Variants in DHX40 observed in about 807,000 individuals in gnomAD.
DHX40 encodes the protein DEAH-box helicase 40, also known as probable ATP-dependent RNA helicase DHX40.
In DHX40, 28 loss-of-function variants were observed where a neutral mutation model predicts 89.6. That is an observed-to-expected ratio of 0.31 (90% CI 0.23 to 0.43). The LOEUF is 0.43. DHX40 is among the 20% of genes least tolerant of loss of function. The pLI, the probability that DHX40 is intolerant of heterozygous loss-of-function variation, is 1.00. For missense variants in DHX40, 457 were observed against 844.0 expected (o/e 0.54, Z 5.68); for synonymous variants, 226 against 283.6 (o/e 0.80, Z 2.04).
chr17:59,589,353 C>G (rs2049048395), intron 12 of DHX40, among the ~76,000 whole-genome samples: 1 of 150,314 alleles, frequency 6.7e-6, no homozygotes, highest in Admixed American at 6.7e-5. Context: ...TCCCGAGTAG[C>G]TGGGACTACA....
intron 10 of DHX40, among the ~76,000 whole-genome samples, chr17:59,585,691 C>T (rs530843788): frequency 1.3e-5 from 2 of 150,724 alleles, no homozygotes; most frequent in Non-Finnish European, 2.9e-5. Flanking sequence ...CCATTGCACT[C>T]CAGCCTGGGC....
At position 59,605,185 on chromosome 17, in the gene DHX40, G is replaced by T; in HGVS notation, c.1971+1G>T. 1 of 1,613,802 alleles carries T rather than the reference G, an allele frequency of 6.2e-7. No homozygotes were observed. The highest frequency in any genetic ancestry group is 1.7e-5 in the Admixed American group (1 of 60,012). ...AGTTCACATTCATCCTTCCTCAGCA[G>T]TAAGTACTTCATTTTTAATAAAGGG... On this transcript the variant is annotated splice_donor_variant, in intron 16 of 17. Coordinates refer to ENST00000251241, the MANE Select transcript of DHX40 (RefSeq NM_024612.5). LOFTEE classifies it high-confidence loss of function.
At position 59,608,022 on chromosome 17, in the gene DHX40, G is replaced by A. The variant is rs2030964284; in HGVS notation, c.*850G>A. ...TACTCTGTTATTTCCACCTGTTTGG[G>A]TAGGGCCATTTAACTTCCATTATGC... On this transcript the variant is annotated 3_prime_UTR_variant, in exon 18 of 18. Transcript: ENST00000251241. 6.5e-6 allele frequency: 1 copy of A among 154,618 alleles called. No individual in the cohort carries two copies. The highest frequency in any genetic ancestry group is 2.0e-4 in the South Asian group (1 of 4,920). 9.6% of individuals were successfully genotyped at this position (154,618 alleles called of 1,614,324 possible). A position where few individuals can be genotyped will look rare whatever the true frequency, so the allele number is the denominator to read the frequency against.
intron 14 of DHX40, 25 bp from the exon 15 acceptor site, chr17:59,602,497 C>T (rs768821073): frequency 1.3e-6 from 2 of 1,544,284 alleles, no homozygotes; most frequent in African/African-American, 1.4e-5. Flanking sequence ...TGAGATTTAC[C>T]ACTCTCTACA....
rs561267181 is a variant in DHX40, at chr17:59,587,646, C to T, written c.1425-250C>T. On this transcript the variant is annotated intron_variant, in intron 11 of 17. Coordinates refer to ENST00000251241, the MANE Select transcript of DHX40 (RefSeq NM_024612.5). ...CTAATTTTTGTGTTTTTAGTGGAAA[C>T]GGGGTTTTGCCATGTTGGCCAGGCA... Among the ~76,000 whole-genome samples the T allele has an allele frequency of 8.6e-5, 13 of 151,916 alleles. No individual in the cohort carries two copies. The South Asian group carries it at 1.9e-3, about 22-fold the overall frequency.
At chr17:59,600,001 T>G (rs1053063064) in intron 14 of DHX40, among the ~76,000 whole-genome samples, 4 of 151,904 alleles carry the variant, frequency 2.6e-5, no homozygotes, top group African/African-American at 9.7e-5. Context: ...TTTTTGTAGT[T>G]TTAGTAGAGA....
At chr17:59,574,640 G>T (rs2048855966) in intron 6 of DHX40, among the ~76,000 whole-genome samples, 1 of 149,040 alleles carries the variant, frequency 6.7e-6, no homozygotes, top group South Asian at 2.1e-4. Flanking sequence ...TTAATAGAAA[G>T]AAATTAAATA....
chr17:59,600,214 A>G (rs1446338521), intron 14 of DHX40, among the ~76,000 whole-genome samples: 3 of 152,218 alleles, frequency 2.0e-5, no homozygotes, highest in Non-Finnish European at 4.4e-5. Context: ...GTCATGATAC[A>G]GTAAGTCCTC....
At chr17:59,570,858 A>G (rs778846018) in intron 3 of DHX40, among the ~76,000 whole-genome samples, 195 bp downstream of exon 3, 1 of 152,040 alleles carries the variant, frequency 6.6e-6, no homozygotes, top group Non-Finnish European at 1.5e-5. Flanking sequence ...AATGTTATAA[A>G]CTTAACAGAA....
intron 2 of DHX40, among the ~76,000 whole-genome samples, chr17:59,570,195 T>G (rs1598136423): frequency 1.7e-5 from 2 of 118,106 alleles, no homozygotes; most frequent in Non-Finnish European, 3.2e-5. Context: ...TAATATATAA[T>G]ATATTATAAT....
chr17:59,569,184 T>A (rs562912194), intron 2 of DHX40, among the ~76,000 whole-genome samples: 6 of 152,012 alleles, frequency 3.9e-5, no homozygotes, highest in Non-Finnish European at 5.9e-5. Context: ...CAAAATTAGC[T>A]GGGTGTGGTG....
intron 12 of DHX40, among the ~76,000 whole-genome samples, chr17:59,598,058 G>T (rs1199503423): frequency 1.3e-5 from 2 of 151,936 alleles, no homozygotes; most frequent in East Asian, 3.9e-4. Context: ...GTAGAGACAG[G>T]ATCTTGCTTT....
chr17:59,571,186 G>C (rs568628796), intron 3 of DHX40, among the ~76,000 whole-genome samples: 6 of 152,168 alleles, frequency 3.9e-5, no homozygotes, highest in African/African-American at 1.4e-4. Context: ...GGCTGGGCTC[G>C]ATGGCTCACG....
At chr17:59,588,167 G>A (rs2049025968) in intron 12 of DHX40, 114 bp downstream of exon 12, 36 of 1,422,220 alleles carry the variant, frequency 2.5e-5, no homozygotes, top group Non-Finnish European at 3.4e-5. Flanking sequence ...GATTGCTTGA[G>A]GTCAGAAGTT....
chr17:59,586,616 A>G (rs1357422125), intron 11 of DHX40, among the ~76,000 whole-genome samples: 1 of 151,882 alleles, frequency 6.6e-6, no homozygotes, highest in African/African-American at 2.4e-5. Flanking sequence ...CAGTGAGCCA[A>G]GATCATGCCA....
At chr17:59,567,503 C>T (rs758560869) in intron 2 of DHX40, among the ~76,000 whole-genome samples, 5 of 152,178 alleles carry the variant, frequency 3.3e-5, no homozygotes, top group Non-Finnish European at 5.9e-5. Context: ...TTTTTGTTTT[C>T]TGTTTCTGCT....
chr17:59,570,100 ATATT>A (rs1336211598), intron 2 of DHX40, among the ~76,000 whole-genome samples: 1 of 128,232 alleles, frequency 7.8e-6, no homozygotes, highest in Non-Finnish European at 1.6e-5. Flanking sequence ...TATATAGTAT[ATATT>A]ATAATATATT....
At chr17:59,593,674 C>T (rs2049110948) in intron 12 of DHX40, among the ~76,000 whole-genome samples, 1 of 113,558 alleles carries the variant, frequency 8.8e-6, no homozygotes. Flanking sequence ...CGAGGTTTTG[C>T]CATGTTGGAG....
In DHX40 at chr17:59,605,249, A is replaced by G. The variant is rs376486926; in HGVS notation, c.1971+65A>G. 1.7e-4 allele frequency: 261 copies of G among 1,492,320 alleles called. 1 individual carries two copies. The African/African-American group carries it at 2.3e-3, about 13-fold the overall frequency. 92.4% of individuals were successfully genotyped at this position (1,492,320 alleles called of 1,614,324 possible). A position where few individuals can be genotyped will look rare whatever the true frequency, so the allele number is the denominator to read the frequency against. ...AGTTGTAGAAATAAGTAATATACAAATGTCTTCTACTTTTCACTTTGGAGT... is the reference window on the plus strand; with the variant it reads ...AGTTGTAGAAATAAGTAATATACAAGTGTCTTCTACTTTTCACTTTGGAGT... On this transcript the variant is annotated intron_variant, in intron 16 of 17. Transcript: ENST00000251241.
Sources: gnomAD v4.1 joint callset for allele counts (sites outside exome capture counted in the v4.1 genomes callset) on GRCh38, gnomAD v4.1.1 for gene constraint, MANE v1.5 for transcripts, NCBI Gene and HGNC (gene_info 2026-07-23, HGNC 2026-07-21) for gene names.